The following GJB3 variants were observed in gnomAD, a reference collection of about 807,000 sequenced individuals.
GJB3 encodes gap junction protein beta 3, also known as gap junction beta-3 protein.
In GJB3, 6 loss-of-function variants were observed where a neutral mutation model predicts 8.1. The ratio of observed to expected loss-of-function variants is 0.75; its 90% CI spans 0.41 to 1.47. The LOEUF is 1.47. Among genes scored for constraint, GJB3 ranks in the 40% most tolerant of loss-of-function variants. The probability of loss-of-function intolerance (pLI) is 0.02; values close to 1 mark genes in which losing one functional copy is unlikely to be tolerated. For missense variants in GJB3, 348 were observed against 365.6 expected, an observed-to-expected ratio of 0.95 and a Z score of 0.39; for synonymous variants, 137 against 156.4, an observed-to-expected ratio of 0.88 and a Z score of 0.93.
chr1:34,783,164 C>G (rs1045117778), intron 1 of GJB3, among the ~76,000 whole-genome samples: 7 of 151,478 alleles, frequency 4.6e-5, no homozygotes, highest in Admixed American at 4.6e-4. Context: ...AGGAGGCTCC[C>G]TTGAGCCTGG....
In GJB3 at chr1:34,784,959, A is replaced by G. The variant is rs145542354; in HGVS notation, c.197A>G (p.Asp66Gly). 2.4e-5 allele frequency: 38 copies of G among 1,614,128 alleles called. No homozygotes were observed. The African/African-American group carries it at 2.7e-4, about 11-fold the overall frequency. The change falls in exon 2 of 2, where the codon GAC (aspartate) becomes GGC (glycine). Residue 66 changes from aspartate (D) to glycine (G), a missense_variant. Coordinates refer to ENST00000373366, the MANE Select transcript of GJB3 (RefSeq NM_024009.3). ...CCCGGCTGCACCAACGTCTGCTACG[A>G]CAACTACTTCCCCATCTCCAACATC... is the stretch of plus-strand genomic sequence containing the variant. ...KQPGCTNVCY[D>G]NYFPISNIRL... is the part of the protein sequence containing the mutation.
rs751280813 is a variant in GJB3, at chr1:34,785,409, G to A, written c.647G>A (p.Arg216Gln). ...TACCTCATCTGCCACAGGGTCCTGCGAGGCCTGCACAAGGACAAGCCTCGA... is the reference window on the plus strand; with the variant it reads ...TACCTCATCTGCCACAGGGTCCTGCAAGGCCTGCACAAGGACAAGCCTCGA... ...LCYLICHRVL[R>Q]GLHKDKPRGG... Residue 216 changes from arginine (R) to glutamine (Q), a missense_variant, in exon 2 of 2, where the codon CGA becomes CAA. Coordinates refer to ENST00000373366, the MANE Select transcript of GJB3 (RefSeq NM_024009.3). This position sits in a 1 kb window ranked among gnomAD's most constrained non-coding sequence, Gnocchi z 4.7. The A allele has an allele frequency of 2.2e-5, 36 of 1,614,006 alleles. No homozygotes were observed. Among genetic ancestry groups the A allele is most frequent in the African/African-American group, 1.2e-4 (9 of 74,906 alleles).
At chr1:34,784,504 C>G (rs567962057) in intron 1 of GJB3, among the ~76,000 whole-genome samples, 2 of 152,254 alleles carry the variant, frequency 1.3e-5, no homozygotes, top group African/African-American at 4.8e-5. Flanking sequence ...TATTATCAGC[C>G]AAAGCATATT....
intron 1 of GJB3, among the ~76,000 whole-genome samples, chr1:34,783,431 CCCCAAGGCCCTTATT>C (rs1040140687): frequency 2.0e-5 from 3 of 152,150 alleles, no homozygotes; most frequent in African/African-American, 7.2e-5. Flanking sequence ...AGTAAAAAGC[CCCCAAGGCCCTTATT>C]CCAGGGTGGC....
In GJB3 at chr1:34,784,864, G is replaced by C; in HGVS notation, c.102G>C (p.Leu34=). Residue 34 remains leucine, a synonymous_variant, in exon 2 of 2, where the codon CTG becomes CTC. Transcript: ENST00000373366. The part of the protein sequence containing the change: ...WLSVVFVFRV[L]VYVVAAERVW... ...CCGTGGTGTTCGTCTTCCGGGTGCTGGTATACGTGGTGGCTGCAGAGCGCG... is the reference window on the plus strand; with the variant it reads ...CCGTGGTGTTCGTCTTCCGGGTGCTCGTATACGTGGTGGCTGCAGAGCGCG... 2 of 1,614,192 alleles carry C rather than the reference G, an allele frequency of 1.2e-6. No individual in the cohort carries two copies. The highest frequency in any genetic ancestry group is 1.6e-4 in the Middle Eastern group (1 of 6,062).
intron 1 of GJB3, chr1:34,782,486 A>C (rs922103722): frequency 1.3e-5 from 2 of 152,144 alleles, no homozygotes; most frequent in African/African-American, 4.8e-5. Flanking sequence ...ATTCTACCAG[A>C]AAGTAGGAAT....
rs1640079217 is a variant in GJB3, at chr1:34,785,011, C to T, written c.249C>T (p.Phe83=). The T allele has an allele frequency of 1.2e-6, 2 of 1,614,078 alleles. No homozygotes were observed. The highest frequency in any genetic ancestry group is 2.7e-5 in the African/African-American group (2 of 74,936). The change falls in exon 2 of 2, where the codon TTC becomes TTT. Residue 83 remains phenylalanine, a synonymous_variant. Transcript: ENST00000373366. This position sits in a 1 kb window ranked among gnomAD's most constrained non-coding sequence, Gnocchi z 4.7. ...NIRLWALQLI[F]VTCPSLLVIL... is the part of the protein sequence containing the mutation. ...GCCTCTGGGCCCTGCAGCTCATCTTCGTCACATGCCCCTCGCTGCTGGTCA... is the reference window on the plus strand; with the variant it reads ...GCCTCTGGGCCCTGCAGCTCATCTTTGTCACATGCCCCTCGCTGCTGGTCA...
Position 34,785,652 on chromosome 1 carries a change from C to T in GJB3, c.*77C>T. ...CGGTGTGGCAGGTGGAGAGGTCCTA[C>T]AGGGGCTGAGTGACCCCACTCTGAG... On this transcript the variant is annotated 3_prime_UTR_variant, in exon 2 of 2. Coordinates refer to ENST00000373366, the MANE Select transcript of GJB3 (RefSeq NM_024009.3). The surrounding 1 kb of genome is among the most constrained non-coding windows in gnomAD (Gnocchi z 4.7). 7 of 1,214,588 alleles carry T rather than the reference C, an allele frequency of 5.8e-6. No individual in the cohort carries two copies. The highest frequency in any genetic ancestry group is 8.4e-6 in the Non-Finnish European group (7 of 833,488). 75.2% of individuals were successfully genotyped at this position (1,214,588 alleles called of 1,614,324 possible).
At chr1:34,783,624 C>T (rs1640049871) in intron 1 of GJB3, among the ~76,000 whole-genome samples, 1 of 152,132 alleles carries the variant, frequency 6.6e-6, no homozygotes, top group South Asian at 2.1e-4. Context: ...TGGTTTGGGG[C>T]AGGGTGGTGG....
At chr1:34,782,868 C>T (rs1368783914) in intron 1 of GJB3, among the ~76,000 whole-genome samples, 1 of 152,128 alleles carries the variant, frequency 6.6e-6, no homozygotes. Context: ...CCTCCTGTCC[C>T]CTCCCTCCAA....
intron 1 of GJB3, among the ~76,000 whole-genome samples, chr1:34,784,525 C>T (rs887963878): frequency 2.6e-5 from 4 of 152,274 alleles, no homozygotes; most frequent in African/African-American, 9.6e-5. Flanking sequence ...TGCTTCCTTC[C>T]AGCATACTAG....
Position 34,785,063 on chromosome 1 carries a change from C to G in GJB3, c.301C>G (p.Arg101Gly). The change falls in exon 2 of 2, where the codon CGG becomes GGG. Residue 101 changes from arginine to glycine, a missense_variant. Transcript: ENST00000373366. This position sits in a 1 kb window ranked among gnomAD's most constrained non-coding sequence, Gnocchi z 4.7. Reference protein sequence around the residue: ...VILHVAYREERERRHRQKHGD... With the variant: ...VILHVAYREEGERRHRQKHGD... ...CCTGCACGTGGCCTACCGTGAGGAG[C>G]GGGAGCGCCGGCACCGCCAGAAACA... The G allele has an allele frequency of 6.2e-7, 1 of 1,614,088 alleles. No homozygotes were observed. Among genetic ancestry groups the G allele is most frequent in the East Asian group, 2.2e-5 (1 of 44,876 alleles).
chr1:34,784,985 C>T lies in GJB3; in HGVS notation c.223C>T (p.Arg75Cys), dbSNP rs370476720. The T allele has an allele frequency of 4.4e-4, 712 of 1,614,086 alleles. 1 individual carries two copies. Among genetic ancestry groups the T allele is most frequent in the Non-Finnish European group, 5.3e-4 (621 of 1,180,038 alleles). ...YDNYFPISNIRLWALQLIFVT... is the reference protein window; with the variant it reads ...YDNYFPISNICLWALQLIFVT... ...CAACTACTTCCCCATCTCCAACATC[C>T]GCCTCTGGGCCCTGCAGCTCATCTT... The change falls in exon 2 of 2, where the codon CGC (arginine) becomes TGC (cysteine). Residue 75 changes from arginine to cysteine, a missense_variant. Coordinates refer to ENST00000373366, the MANE Select transcript of GJB3 (RefSeq NM_024009.3).
chr1:34,783,825 T>C (rs1640054246), intron 1 of GJB3, among the ~76,000 whole-genome samples: 1 of 152,108 alleles, frequency 6.6e-6, no homozygotes, highest in African/African-American at 2.4e-5. Flanking sequence ...GAGGAAGATG[T>C]GTGAGTTAAG....
rs745370596 is a variant in GJB3, at chr1:34,785,552, G to A, written c.790G>A (p.Ala264Thr). 4.3e-6 allele frequency: 7 copies of A among 1,614,096 alleles called. No individual in the cohort carries two copies. In the Admixed American group the frequency reaches 1.2e-4, roughly 27 times the overall value. The change falls in exon 2 of 2, where the codon GCA becomes ACA. Residue 264 changes from alanine to threonine, a missense_variant. By Grantham distance (58) the Ala-to-Thr change is moderately conservative. Transcript: ENST00000373366. The surrounding 1 kb of genome is among the most constrained non-coding windows in gnomAD (Gnocchi z 4.7). ...DPGNNKLQASAPNLTPI is the reference protein window; with the variant it reads ...DPGNNKLQASTPNLTPI ...AGGCAATAACAAGCTGCAGGCTTCA[G>A]CACCCAACCTGACCCCCATCTGACC...
In GJB3 at chr1:34,785,359, C is replaced by T. The variant is rs1016981705; in HGVS notation, c.597C>T (p.Ile199=). The change falls in exon 2 of 2, where the codon ATC becomes ATT. Residue 199 remains isoleucine (I), a synonymous_variant. Transcript: ENST00000373366. The surrounding 1 kb of genome is among the most constrained non-coding windows in gnomAD (Gnocchi z 4.7). ...TGGTGGGCGCCTCCGCCGTCTGCAT[C>T]GTACTCACCATCTGTGAGCTCTGCT... The part of the protein sequence containing the change: ...YFMVGASAVC[I]VLTICELCYL... 1.2e-6 allele frequency: 2 copies of T among 1,614,074 alleles called. No individual in the cohort carries two copies. The highest frequency in any genetic ancestry group is 2.2e-5 in the East Asian group (1 of 44,868).
intron 1 of GJB3, among the ~76,000 whole-genome samples, chr1:34,784,486 G>A (rs988245959): frequency 6.6e-6 from 1 of 152,162 alleles, no homozygotes; most frequent in Admixed American, 6.5e-5. Context: ...TCAATAAATG[G>A]TGATTGTTAT....
chr1:34,782,394 G>A (rs1640025832), intron 1 of GJB3: 1 of 152,182 alleles, frequency 6.6e-6, no homozygotes, highest in Non-Finnish European at 1.5e-5. Flanking sequence ...TCTCTGTCCG[G>A]ACAGACAGGG....
rs1640110080 is a variant in GJB3, at chr1:34,786,018, T to G, written c.*443T>G. 1 of 206,226 alleles carries G rather than the reference T, an allele frequency of 4.8e-6. No homozygotes were observed. The highest frequency in any genetic ancestry group is 2.4e-5 in the African/African-American group (1 of 42,086). 12.8% of individuals were successfully genotyped at this position (206,226 alleles called of 1,614,324 possible). ...AAGTGATGCTCGCCCTGGGCTAGCC[T>G]CAGCAGACCTAAGGCATCTCTACTC... On this transcript the variant is annotated 3_prime_UTR_variant, in exon 2 of 2. Transcript: ENST00000373366. This position sits in a 1 kb window ranked among gnomAD's most constrained non-coding sequence, Gnocchi z 4.4.
Sources: allele counts gnomAD v4.1 joint callset (sites outside exome capture counted in the v4.1 genomes callset), GRCh38; gene constraint gnomAD v4.1.1; non-coding constraint Gnocchi (gnomAD v3.1); transcripts MANE v1.5; gene names NCBI Gene and HGNC (gene_info 2026-07-23, HGNC 2026-07-21).